CACNA2D3: variants seen among roughly 807,000 people sequenced by gnomAD.
CACNA2D3 encodes voltage-dependent calcium channel subunit alpha-2/delta-3.
CACNA2D3 carries 60 observed loss-of-function variants against 160.6 expected under a neutral mutation model. That is an observed-to-expected ratio of 0.37 (90% confidence interval 0.30 to 0.46). CACNA2D3 has a LOEUF of 0.46. Among genes scored for constraint, CACNA2D3 ranks in the 20% least tolerant of loss-of-function variants. The probability of loss-of-function intolerance (pLI) is 1.00; values close to 1 mark genes in which losing one functional copy is unlikely to be tolerated. For synonymous variants in CACNA2D3, 558 were observed against 492.9 expected (o/e 1.13, Z -1.75); for missense variants, 1,205 against 1,365.0 (o/e 0.88, Z 1.85).
At chr3:54,744,870 G>A (rs1701723242) in intron 11 of CACNA2D3, among the ~76,000 whole-genome samples, 1 of 152,210 alleles carries the variant, frequency 6.6e-6, no homozygotes, top group East Asian at 1.9e-4. Flanking sequence ...TGAGGTGGGT[G>A]GGTGGAGGAT....
chr3:54,758,929 G>A (rs937526517), intron 12 of CACNA2D3, among the ~76,000 whole-genome samples: 8 of 152,158 alleles, frequency 5.3e-5, no homozygotes, highest in Non-Finnish European at 1.0e-4. Flanking sequence ...ACAGACTCCT[G>A]GTACCCTTGG....
intron 8 of CACNA2D3, among the ~76,000 whole-genome samples, chr3:54,571,612 A>AGTGTGTGTGTGTGTGTGTGTGTGTGT (rs58652360): frequency 7.3e-6 from 1 of 136,214 alleles, no homozygotes; most frequent in Non-Finnish European, 1.6e-5. Context: ...CACTTAACCA[A>AGTGTGTGTGTGTGTGTGTGTGTGTGT]GTGTGTGTGT....
At chr3:54,220,361 A>G (rs1353714874) in intron 2 of CACNA2D3, among the ~76,000 whole-genome samples, 1 of 152,212 alleles carries the variant, frequency 6.6e-6, no homozygotes, top group African/African-American at 2.4e-5. Flanking sequence ...TGTTAAAATA[A>G]GTTTTCAAAA....
At chr3:54,456,275 T>C (rs1700395333) in intron 4 of CACNA2D3, among the ~76,000 whole-genome samples, 1 of 152,098 alleles carries the variant, frequency 6.6e-6, no homozygotes, top group East Asian at 1.9e-4. Context: ...TTTTGTCTTG[T>C]TGGTTAAATT....
chr3:54,376,574 C>G lies in CACNA2D3; in HGVS notation c.322-10141C>G, dbSNP rs536979452. On this transcript the variant is annotated intron_variant, in intron 3 of 37. Transcript: ENST00000474759. ...GCTGTTATCATCTTGTGTGGCCCTC[C>G]TATTGTAGCCCACGCCACATTATCT... is the stretch of plus-strand genomic sequence containing the variant. Among the ~76,000 whole-genome samples, 31 of 152,236 alleles carry G rather than the reference C, an allele frequency of 2.0e-4. 1 individual carries two copies. In the South Asian group the frequency reaches 6.2e-3, roughly 31 times the overall value.
At chr3:54,256,026 T>A (rs1339852292) in intron 2 of CACNA2D3, among the ~76,000 whole-genome samples, 3 of 151,948 alleles carry the variant, frequency 2.0e-5, no homozygotes, top group Non-Finnish European at 4.4e-5. Context: ...AAATAGGAAG[T>A]CATTGTTAAA....
intron 29 of CACNA2D3, among the ~76,000 whole-genome samples, chr3:54,977,239 T>G (rs1271997350): frequency 1.3e-5 from 2 of 152,192 alleles, no homozygotes; most frequent in African/African-American, 4.8e-5. Context: ...TCTTAGTCCT[T>G]TGCTGTTGAA....
chr3:54,956,228 G>C (rs1701889213), intron 27 of CACNA2D3, among the ~76,000 whole-genome samples: 1 of 152,206 alleles, frequency 6.6e-6, no homozygotes, highest in African/African-American at 2.4e-5. Flanking sequence ...CCAGTGGCTT[G>C]CCTTGCCAGG....
At chr3:54,986,325 C>T (rs1702612622) in intron 30 of CACNA2D3, among the ~76,000 whole-genome samples, 1 of 152,172 alleles carries the variant, frequency 6.6e-6, no homozygotes, top group Non-Finnish European at 1.5e-5. Context: ...GTTTGCCAGC[C>T]TGCTCAGCCT....
intron 9 of CACNA2D3, among the ~76,000 whole-genome samples, chr3:54,608,890 A>G (rs483200): frequency 0.57 from 85,952 of 152,020 alleles, 25,292 homozygotes; most frequent in African/African-American, 0.73. Context: ...ATGACGTTGA[A>G]GCCATTGAGT....
chr3:54,236,876 A>G (rs373883819), intron 2 of CACNA2D3, among the ~76,000 whole-genome samples: 4 of 152,188 alleles, frequency 2.6e-5, no homozygotes, highest in African/African-American at 7.2e-5. Context: ...TAACATGAAT[A>G]TCGTAGTATA....
intron 31 of CACNA2D3, among the ~76,000 whole-genome samples, chr3:54,992,335 A>G (rs1402526299): frequency 1.3e-5 from 2 of 152,198 alleles, no homozygotes; most frequent in African/African-American, 4.8e-5. Flanking sequence ...ATATGGAATG[A>G]TATGTGAGTA....
chr3:55,070,323 G>C (rs757634085), intron 35 of CACNA2D3, among the ~76,000 whole-genome samples: 4 of 152,200 alleles, frequency 2.6e-5, no homozygotes, highest in Non-Finnish European at 4.4e-5. Flanking sequence ...TGAAGAGAGA[G>C]AGTTGGAGGG....
chr3:54,726,429 A>T (rs778539416), intron 11 of CACNA2D3, among the ~76,000 whole-genome samples: 2 of 152,180 alleles, frequency 1.3e-5, no homozygotes, highest in Non-Finnish European at 2.9e-5. Context: ...TTCATATGCA[A>T]CCAAAAAAGA....
At chr3:54,194,893 A>G (rs569803771) in intron 2 of CACNA2D3, among the ~76,000 whole-genome samples, 1 of 152,218 alleles carries the variant, frequency 6.6e-6, no homozygotes, top group South Asian at 2.1e-4. Flanking sequence ...CAATACATGG[A>G]TTTGGGGGGA....
intron 11 of CACNA2D3, among the ~76,000 whole-genome samples, chr3:54,709,698 G>A (rs183281242): frequency 7.8e-4 from 119 of 152,278 alleles, no homozygotes; most frequent in African/African-American, 2.6e-3. Flanking sequence ...GCCAAAGTGG[G>A]ATGGTTGCTT....
intron 27 of CACNA2D3, among the ~76,000 whole-genome samples, chr3:54,902,445 G>T (rs1433410118): frequency 6.6e-6 from 1 of 152,150 alleles, no homozygotes; most frequent in Non-Finnish European, 1.5e-5. Context: ...GCCAGCCTTG[G>T]TGCATAAATG....
chr3:54,768,235 C>G (rs939197199), intron 13 of CACNA2D3, among the ~76,000 whole-genome samples: 2 of 152,148 alleles, frequency 1.3e-5, no homozygotes, highest in Non-Finnish European at 2.9e-5. Flanking sequence ...TTGGATGAAT[C>G]TCAGCAACAT....
chr3:54,734,653 C>A (rs1701460793), intron 11 of CACNA2D3, among the ~76,000 whole-genome samples: 1 of 152,126 alleles, frequency 6.6e-6, no homozygotes, highest in Non-Finnish European at 1.5e-5. Flanking sequence ...AAATAAATGG[C>A]AACTCACAAA....
Sources: allele counts gnomAD v4.1 joint callset (sites outside exome capture counted in the v4.1 genomes callset), GRCh38; gene constraint gnomAD v4.1.1; transcripts MANE v1.5; gene names NCBI Gene and HGNC (gene_info 2026-07-23, HGNC 2026-07-21).